HYAL4: variants seen among roughly 807,000 people sequenced by gnomAD.
HYAL4 encodes the protein hyaluronidase 4, also known as hyaluronidase-4.
In HYAL4, 37 loss-of-function variants were observed where a neutral mutation model predicts 35.2. The observed-to-expected ratio is 1.05, with a 90% CI of 0.81 to 1.38. HYAL4 has a LOEUF of 1.38. Ranked by LOEUF, HYAL4 falls within the 40% of genes most tolerant of loss-of-function variation. HYAL4 has a pLI of 0.00. For synonymous variants in HYAL4, 198 were observed against 203.2 expected, an observed-to-expected ratio of 0.97 and a Z score of 0.22; for missense variants, 572 against 572.4, an observed-to-expected ratio of 1.00 and a Z score of 0.01.
the HYAL4 span, chr7:123,819,570 T>C: frequency 6.6e-6 from 1 of 152,202 alleles, no homozygotes; most frequent in Non-Finnish European, 1.5e-5. Flanking sequence ...GTACAGGGTC[T>C]AACATTGAGC....
the HYAL4 span, among the ~76,000 whole-genome samples, chr7:123,794,843 C>T: frequency 6.6e-6 from 1 of 152,162 alleles, no homozygotes; most frequent in Non-Finnish European, 1.5e-5. Flanking sequence ...GTGGTTCTGC[C>T]TGGTGAAGCT....
At chr7:123,864,013 C>T (rs965068716) in intron 2 of HYAL4, among the ~76,000 whole-genome samples, 2 of 152,158 alleles carry the variant, frequency 1.3e-5, no homozygotes, top group African/African-American at 4.8e-5. Flanking sequence ...GTCTCCTTCA[C>T]TGTCAGGAGG....
the HYAL4 span, among the ~76,000 whole-genome samples, chr7:123,796,463 A>T: frequency 6.6e-6 from 1 of 152,246 alleles, no homozygotes; most frequent in Non-Finnish European, 1.5e-5. Context: ...CTATTTATAG[A>T]TTAAAAAACT....
chr7:123,792,159 A>G, the HYAL4 span, among the ~76,000 whole-genome samples: 2 of 152,226 alleles, frequency 1.3e-5, no homozygotes, highest in Admixed American at 6.5e-5. Flanking sequence ...GGGGGAAAAA[A>G]ATCAAGGTAT....
At chr7:123,845,914 A>G (rs561091486) in intron 1 of HYAL4, among the ~76,000 whole-genome samples, 1 of 152,136 alleles carries the variant, frequency 6.6e-6, no homozygotes, top group African/African-American at 2.4e-5. Flanking sequence ...AGTGATTGTT[A>G]TCTCTCTTCT....
intron 1 of HYAL4, among the ~76,000 whole-genome samples, chr7:123,839,166 G>A (rs983898078): frequency 2.6e-5 from 4 of 151,980 alleles, no homozygotes; most frequent in Non-Finnish European, 5.9e-5. Context: ...GCCACGGTGT[G>A]TGATGCTCCC....
At chr7:123,784,791 A>G in the HYAL4 span, among the ~76,000 whole-genome samples, 17 of 152,322 alleles carry the variant, frequency 1.1e-4, no homozygotes, top group South Asian at 6.2e-4. Context: ...ACTGAAAACA[A>G]GGAGCCTTCC....
chr7:123,865,838 A>G (rs1386229956), intron 2 of HYAL4, among the ~76,000 whole-genome samples: 1 of 152,178 alleles, frequency 6.6e-6, no homozygotes, highest in Non-Finnish European at 1.5e-5. Flanking sequence ...GGTAATTTAT[A>G]AAGAAAAAGA....
the HYAL4 span, among the ~76,000 whole-genome samples, chr7:123,783,622 T>C: frequency 1.4e-3 from 219 of 152,174 alleles, 2 homozygotes; most frequent in Admixed American, 0.012. Context: ...AGAGAGTTGT[T>C]TGCACAATTC....
the HYAL4 span, among the ~76,000 whole-genome samples, chr7:123,801,699 G>T: frequency 6.6e-6 from 1 of 151,968 alleles, no homozygotes; most frequent in Non-Finnish European, 1.5e-5. Context: ...CCTCAATTTT[G>T]CAGGCTAAGT....
chr7:123,776,832 C>G, the HYAL4 span, among the ~76,000 whole-genome samples: 5 of 152,108 alleles, frequency 3.3e-5, no homozygotes, highest in African/African-American at 1.2e-4. Flanking sequence ...CTCTTTCCAT[C>G]TCTACACTGC....
intron 2 of HYAL4, among the ~76,000 whole-genome samples, chr7:123,864,890 A>C (rs1382250720): frequency 1.3e-5 from 2 of 151,522 alleles, no homozygotes; most frequent in Non-Finnish European, 2.9e-5. Context: ...TACAGCAAGC[A>C]GAAGACACGG....
intron 1 of HYAL4, among the ~76,000 whole-genome samples, chr7:123,831,932 C>T (rs867910821): frequency 6.6e-6 from 1 of 152,108 alleles, no homozygotes; most frequent in Non-Finnish European, 1.5e-5. Flanking sequence ...GTAATTCTTT[C>T]CTGGGATGAG....
chr7:123,805,987 T>G, the HYAL4 span, among the ~76,000 whole-genome samples: 5 of 151,838 alleles, frequency 3.3e-5, no homozygotes, highest in African/African-American at 4.8e-5. Context: ...ACAGGGAGAC[T>G]CCGTCCGAAA....
rs1806154384 is a variant in HYAL4, at chr7:123,845,391, T to G, written c.-416T>G. ...GCCCAGCTAATTTTTGTATTTTTAG[T>G]AGAGATGGGGTTTCACCATATTGGC... On this transcript the variant is annotated 5_prime_UTR_variant, in exon 1 of 5. Transcript: ENST00000223026. 1 of 151,806 alleles carries G rather than the reference T, an allele frequency of 6.6e-6. No individual in the cohort carries two copies. The highest frequency in any genetic ancestry group is 2.4e-5 in the African/African-American group (1 of 41,304). The allele number at this position is 151,806 out of a possible 1,614,324, so 9.4% of individuals were successfully genotyped here.
At chr7:123,843,255 T>C (rs1316096409), upstream of HYAL4, among the ~76,000 whole-genome samples, 3 of 152,086 alleles carry the variant, frequency 2.0e-5, no homozygotes, top group Non-Finnish European at 2.9e-5. Context: ...CCTTCACTTA[T>C]GAAGCTTAGT....
rs1806783910 is a variant in HYAL4, at chr7:123,868,874, G to A, written c.601G>A (p.Glu201Lys). The change falls in exon 3 of 5, where the codon GAA becomes AAA. Residue 201 changes from glutamate to lysine, a missense_variant. Coordinates refer to ENST00000223026, the MANE Select transcript of HYAL4 (RefSeq NM_012269.3). ...AGAAAGTGCAAAAGCTTTCATGAAG[G>A]AAACCATCAAATTGGGAATTAAGAG... Reference protein sequence around the residue: ...FEESAKAFMKETIKLGIKSRP... With the variant: ...FEESAKAFMKKTIKLGIKSRP... 8.1e-6 allele frequency: 13 copies of A among 1,614,172 alleles called. No individual in the cohort carries two copies. The highest frequency in any genetic ancestry group is 1.1e-5 in the Non-Finnish European group (13 of 1,180,026).
chr7:123,770,613 A>G, the HYAL4 span, among the ~76,000 whole-genome samples: 1 of 152,130 alleles, frequency 6.6e-6, no homozygotes, highest in South Asian at 2.1e-4. Flanking sequence ...TAATCACACA[A>G]TGAAGTGTAG....
the HYAL4 span, among the ~76,000 whole-genome samples, chr7:123,793,859 G>A: frequency 2.0e-5 from 3 of 152,160 alleles, no homozygotes; most frequent in Admixed American, 1.3e-4. Context: ...ATGTGGAAGC[G>A]ACTTTGGAAC....
Sources: gnomAD v4.1 joint callset for allele counts (sites outside exome capture counted in the v4.1 genomes callset) on GRCh38, gnomAD v4.1.1 for gene constraint, MANE v1.5 for transcripts, NCBI Gene and HGNC (gene_info 2026-07-23, HGNC 2026-07-21) for gene names.